SPRYD7: variants seen among roughly 807,000 people sequenced by gnomAD.
SPRYD7 encodes the protein SPRY domain-containing protein 7.
Under a neutral mutation model 23.8 loss-of-function variants are expected in SPRYD7, and 14 were observed. The observed-to-expected ratio is 0.59, with a 90% CI of 0.39 to 0.92. The LOEUF is 0.92. SPRYD7 is among the 40% of genes least tolerant of loss of function. The pLI, the probability that SPRYD7 is intolerant of heterozygous loss-of-function variation, is 0.00. For missense variants in SPRYD7, 194 were observed against 241.7 expected (o/e 0.80, Z 1.31); for synonymous variants, 75 against 84.9 (o/e 0.88, Z 0.64).
chr13:49,924,986 A>AAAAAT (rs777032632), intron 3 of SPRYD7, among the ~76,000 whole-genome samples: 3 of 134,138 alleles, frequency 2.2e-5, no homozygotes, highest in Non-Finnish European at 4.6e-5. Flanking sequence ...CAAAAAAAAA[A>AAAAAT]AATAAATAAA....
At chr13:49,928,572 C>T (rs767240920) in intron 2 of SPRYD7, among the ~76,000 whole-genome samples, 5 of 152,222 alleles carry the variant, frequency 3.3e-5, no homozygotes, top group Non-Finnish European at 4.4e-5. Context: ...TCTGCTACAT[C>T]ATCTTGCGCA....
intron 3 of SPRYD7, among the ~76,000 whole-genome samples, chr13:49,924,604 G>A (rs1955857995): frequency 6.6e-6 from 1 of 152,028 alleles, no homozygotes; most frequent in Non-Finnish European, 1.5e-5. Flanking sequence ...ATAGTATCTG[G>A]CTGAGCTATA....
chr13:49,917,239 G>A (rs2138211348), intron 4 of SPRYD7, among the ~76,000 whole-genome samples: 1 of 152,266 alleles, frequency 6.6e-6, no homozygotes, highest in South Asian at 2.1e-4. Flanking sequence ...AAGTAGCTGG[G>A]ACCACAGGCA....
chr13:49,915,359 G>C (rs568187853), intron 4 of SPRYD7, among the ~76,000 whole-genome samples, 199 bp from the exon 5 acceptor site: 1 of 152,026 alleles, frequency 6.6e-6, no homozygotes, highest in Non-Finnish European at 1.5e-5. Context: ...AAATCTATCT[G>C]TCAAAAACAT....
chr13:49,912,894 T>C lies in SPRYD7; in HGVS notation c.*2169A>G, dbSNP rs764057528. 41 of 152,160 alleles carry C rather than the reference T, an allele frequency of 2.7e-4. No individual in the cohort carries two copies. Among genetic ancestry groups the C allele is most frequent in the Admixed American group, 7.9e-4 (12 of 15,274 alleles). The allele number at this position is 152,160 out of a possible 1,614,324, so 9.4% of individuals were successfully genotyped here. On this transcript the variant is annotated 3_prime_UTR_variant, in exon 5 of 5. Coordinates refer to ENST00000361840, the MANE Select transcript of SPRYD7 (RefSeq NM_020456.4). ...AGTATATCTATGTTTTCAAAGCATA[T>C]TGTCACATTTTTGTCTGCAGAATAA...
chr13:49,920,655 C>T (rs910233541), intron 4 of SPRYD7, among the ~76,000 whole-genome samples: 1 of 152,070 alleles, frequency 6.6e-6, no homozygotes, highest in Non-Finnish European at 1.5e-5. Flanking sequence ...CTACCGACTA[C>T]AATCCATATA....
chr13:49,931,014 C>A lies in SPRYD7; in HGVS notation c.223+4G>T. The A allele has an allele frequency of 6.3e-7, 1 of 1,588,158 alleles. No individual in the cohort carries two copies. The highest frequency in any genetic ancestry group is 1.1e-5 in the South Asian group (1 of 89,118). ...TTTTAATAGTAAAGTACCATTATAC[C>A]AACCTGTGGACTGGATTTTGAATTC... On this transcript the variant is annotated splice_donor_region_variant and intron_variant, in intron 2 of 4. Coordinates refer to ENST00000361840, the MANE Select transcript of SPRYD7 (RefSeq NM_020456.4).
intron 4 of SPRYD7, among the ~76,000 whole-genome samples, chr13:49,917,848 A>G (rs1460540612): frequency 6.6e-6 from 1 of 152,206 alleles, no homozygotes; most frequent in Non-Finnish European, 1.5e-5. Flanking sequence ...GCAACACTAA[A>G]TTGAGTTTTA....
At chr13:49,927,079 G>A (rs189229283) in intron 3 of SPRYD7, among the ~76,000 whole-genome samples, 4 of 152,096 alleles carry the variant, frequency 2.6e-5, no homozygotes, top group East Asian at 3.9e-4. Flanking sequence ...ACTTTTCTAC[G>A]ATCAAGCTTT....
At chr13:49,932,023 ACT>A (rs1003937053) in intron 1 of SPRYD7, among the ~76,000 whole-genome samples, 1 of 152,100 alleles carries the variant, frequency 6.6e-6, no homozygotes, top group African/African-American at 2.4e-5. Context: ...AAATAGACTA[ACT>A]CTTTTAATTT....
chr13:49,914,153 A>G lies in SPRYD7; in HGVS notation c.*910T>C, dbSNP rs1177992820. 6.5e-6 allele frequency: 1 copy of G among 153,808 alleles called. No individual in the cohort carries two copies. The highest frequency in any genetic ancestry group is 6.5e-5 in the Admixed American group (1 of 15,282). 9.5% of individuals were successfully genotyped at this position (153,808 alleles called of 1,614,324 possible). A position where few individuals can be genotyped will look rare whatever the true frequency, so the allele number is the denominator to read the frequency against. On this transcript the variant is annotated 3_prime_UTR_variant, in exon 5 of 5. Transcript: ENST00000361840. ...TAAAGGACAGTGATTCTTAAGAACC[A>G]GGCAAAGACTCAGGGTCATGAAGAG... is the stretch of plus-strand genomic sequence containing the variant.
At chr13:49,932,471 T>C (rs1871425401) in intron 1 of SPRYD7, among the ~76,000 whole-genome samples, 1 of 152,178 alleles carries the variant, frequency 6.6e-6, no homozygotes, top group Non-Finnish European at 1.5e-5. Context: ...TAGTACCAAT[T>C]TGATTTAGGA....
At position 49,915,102 on chromosome 13, in the gene SPRYD7, A is replaced by C. The variant is rs142656048; in HGVS notation, c.552T>G (p.Pro184=). The C allele has an allele frequency of 6.4e-7, 1 of 1,563,212 alleles. No individual in the cohort carries two copies. Among genetic ancestry groups the C allele is most frequent in the Non-Finnish European group, 8.7e-7 (1 of 1,152,518 alleles). The change falls in exon 5 of 5, where the codon CCT becomes CCG. Residue 184 remains proline (P), a synonymous_variant. Coordinates refer to ENST00000361840, the MANE Select transcript of SPRYD7 (RefSeq NM_020456.4). Reference sequence around the variant, plus strand: ...GTTCAAATAATATTTTTTCAAAACCAGGTGGAGGCGTATGATAAAACTCAC... The same window carrying C: ...GTTCAAATAATATTTTTTCAAAACCCGGTGGAGGCGTATGATAAAACTCAC... ...QFSEFYHTPP[P]GFEKILFEQQ...
rs1052098735 is a variant in SPRYD7 at position 49,921,603 on chromosome 13, G to T, written c.391-23C>A. 13 of 1,455,666 alleles carry T rather than the reference G, an allele frequency of 8.9e-6. No individual in the cohort carries two copies. The East Asian group carries it at 3.0e-4, about 33-fold the overall frequency. 90.2% of individuals were successfully genotyped at this position (1,455,666 alleles called of 1,614,324 possible). On this transcript the variant is annotated intron_variant, in intron 3 of 4. Transcript: ENST00000361840. ...ACCCTAGGAAGGAAAAAACAGAAAC[G>T]TTCCATAAAAGCTGAGCCGTCAGAA...
At chr13:49,934,685 AAC>A (rs1871537005) in intron 1 of SPRYD7, among the ~76,000 whole-genome samples, 1 of 152,214 alleles carries the variant, frequency 6.6e-6, no homozygotes, top group South Asian at 2.1e-4. Context: ...GGAGAAATAA[AAC>A]ACAGTGGAAT....
At position 49,922,899 on chromosome 13, in the gene SPRYD7, T is replaced by C. The variant is rs372940478; in HGVS notation, c.391-1319A>G. 2.1e-3 allele frequency among the ~76,000 whole-genome samples: 316 copies of C among 152,142 alleles called. 1 individual carries two copies. The highest frequency in any genetic ancestry group is 7.1e-3 in the African/African-American group (296 of 41,524). Reference sequence around the variant, plus strand: ...GACAGCAAAAGCCCAGAGAAGCTAATGTGGTAAGTGGTATGAAAGATTCTC... The same window carrying C: ...GACAGCAAAAGCCCAGAGAAGCTAACGTGGTAAGTGGTATGAAAGATTCTC... On this transcript the variant is annotated intron_variant, in intron 3 of 4. Transcript: ENST00000361840.
chr13:49,919,696 C>T (rs1414596848), intron 4 of SPRYD7, among the ~76,000 whole-genome samples: 8 of 137,010 alleles, frequency 5.8e-5, no homozygotes, highest in Admixed American at 4.7e-4. Flanking sequence ...CACTGCACTC[C>T]AGTCTGGGTG....
At chr13:49,920,372 T>C (rs1182026912) in intron 4 of SPRYD7, among the ~76,000 whole-genome samples, 2 of 152,236 alleles carry the variant, frequency 1.3e-5, no homozygotes, top group Non-Finnish European at 2.9e-5. Flanking sequence ...GTAAGGGTTA[T>C]TAATGTACAG....
intron 4 of SPRYD7, among the ~76,000 whole-genome samples, chr13:49,917,087 G>T (rs1271041540): frequency 2.7e-5 from 4 of 150,792 alleles, no homozygotes; most frequent in African/African-American, 9.7e-5. Flanking sequence ...TCATAACTTT[G>T]TTTTTTTTTG....
Sources: gnomAD v4.1 joint callset for allele counts (sites outside exome capture counted in the v4.1 genomes callset) on GRCh38, gnomAD v4.1.1 for gene constraint, MANE v1.5 for transcripts, NCBI Gene and HGNC (gene_info 2026-07-23, HGNC 2026-07-21) for gene names.